PTPRM: variants seen among roughly 807,000 people sequenced by gnomAD.
The protein encoded by PTPRM is receptor-type tyrosine-protein phosphatase mu.
PTPRM carries 47 observed loss-of-function variants against 186.7 expected under a neutral mutation model. That is an observed-to-expected ratio of 0.25 (90% CI 0.20 to 0.32). PTPRM has a LOEUF of 0.32. Among genes scored for constraint, PTPRM ranks in the 10% least tolerant of loss-of-function variants. The pLI is 1.00. For synonymous variants in PTPRM, 668 were observed against 674.9 expected, an observed-to-expected ratio of 0.99 and a Z score of 0.16; for missense variants, 1,494 against 1,865.0, an observed-to-expected ratio of 0.80 and a Z score of 3.66.
chr18:8,251,813 GA>G (rs1477885614), intron 17 of PTPRM: 6 of 152,138 alleles, frequency 3.9e-5, no homozygotes, highest in African/African-American at 1.2e-4. Flanking sequence ...AATAACATAT[GA>G]ATAACTATAG....
intron 22 of PTPRM, among the ~76,000 whole-genome samples, chr18:8,338,658 T>C (rs2095454936): frequency 6.6e-6 from 1 of 152,212 alleles, no homozygotes; most frequent in Non-Finnish European, 1.5e-5. Context: ...AGGACCTATT[T>C]CATAGGATGG....
chr18:8,203,884 CG>C (rs758511796), intron 14 of PTPRM, among the ~76,000 whole-genome samples: 58 of 152,196 alleles, frequency 3.8e-4, no homozygotes, highest in Admixed American at 2.2e-3. Flanking sequence ...TTCTTATGCT[CG>C]GTCAGGAAAG....
chr18:7,625,604 G>A (rs760682756), intron 1 of PTPRM, among the ~76,000 whole-genome samples: 29 of 141,920 alleles, frequency 2.0e-4, no homozygotes, highest in Non-Finnish European at 3.6e-4. Flanking sequence ...GCGTGATCTC[G>A]GCTCACTGCA....
intron 4 of PTPRM, among the ~76,000 whole-genome samples, chr18:7,907,701 G>A (rs932233330): frequency 2.4e-4 from 36 of 152,068 alleles, no homozygotes; most frequent in African/African-American, 8.5e-4. Flanking sequence ...AGGGAGCTGG[G>A]CCTCAACTTT....
chr18:7,781,531 T>A lies in PTPRM; in HGVS notation c.196+7260T>A, dbSNP rs772151461. On this transcript the variant is annotated intron_variant, in intron 2 of 32. Transcript: ENST00000580170. ...TAAATTACGTGTTGCTGAGGCTTGG[T>A]ATACAAATGATCCCATCACCCAGGT... Among the ~76,000 whole-genome samples, 3 of 152,122 alleles carry A rather than the reference T, an allele frequency of 2.0e-5. No homozygotes were observed. In the South Asian group the frequency reaches 6.2e-4, roughly 32 times the overall value.
chr18:8,103,984 A>T (rs1600586931), intron 11 of PTPRM, among the ~76,000 whole-genome samples: 1 of 136,548 alleles, frequency 7.3e-6, no homozygotes, highest in African/African-American at 2.6e-5. Context: ...AGTGCCAGGG[A>T]GAGAGATGGC....
chr18:7,780,138 T>A (rs1313703123), intron 2 of PTPRM, among the ~76,000 whole-genome samples: 1 of 152,212 alleles, frequency 6.6e-6, no homozygotes, highest in Non-Finnish European at 1.5e-5. Context: ...AGCACAGTAT[T>A]TTCAGATCAG....
At position 7,568,839 on chromosome 18, in the gene PTPRM, CAG is replaced by C. The variant is rs1424895388; in HGVS notation, c.73+949_73+950del. Among the ~76,000 whole-genome samples, 7 of 152,306 alleles carry C rather than the reference CAG, an allele frequency of 4.6e-5. No individual in the cohort carries two copies. Among genetic ancestry groups the C allele is most frequent in the Admixed American group, 1.3e-4 (2 of 15,308 alleles). ...TGGGGGCGAACCCGGCACGCTGTCA[CAG>C]GGGTTTACAACCAGGATGACCTTTA... On this transcript the variant is annotated intron_variant, in intron 1 of 32. Coordinates refer to ENST00000580170, the MANE Select transcript of PTPRM (RefSeq NM_001105244.2). The surrounding 1 kb of genome is among the most constrained non-coding windows in gnomAD (Gnocchi z 5.1).
intron 14 of PTPRM, among the ~76,000 whole-genome samples, chr18:8,209,025 G>A (rs1176772309): frequency 6.6e-6 from 1 of 152,202 alleles, no homozygotes; most frequent in East Asian, 1.9e-4. Flanking sequence ...TGGTGGGGAA[G>A]CCAGTGAAGT....
At position 7,689,836 on chromosome 18, in the gene PTPRM, T is replaced by C. The variant is rs140597385; in HGVS notation, c.74-84313T>C. Reference sequence around the variant, plus strand: ...AAATAATATTCTTAATTCATATTGGTGGTTTACACTCAGTGTTTTTACTGA... The same window carrying C: ...AAATAATATTCTTAATTCATATTGGCGGTTTACACTCAGTGTTTTTACTGA... On this transcript the variant is annotated intron_variant, in intron 1 of 32. Coordinates refer to ENST00000580170, the MANE Select transcript of PTPRM (RefSeq NM_001105244.2). 3.9e-3 allele frequency among the ~76,000 whole-genome samples: 592 copies of C among 152,336 alleles called. 4 individuals are homozygous for C. The highest frequency in any genetic ancestry group is 0.013 in the African/African-American group (554 of 41,572).
chr18:7,784,592 A>G (rs919431430), intron 2 of PTPRM, among the ~76,000 whole-genome samples: 1 of 152,184 alleles, frequency 6.6e-6, no homozygotes, highest in African/African-American at 2.4e-5. Flanking sequence ...TTATAAAACT[A>G]TGTTTCAGCT....
At chr18:8,148,616 A>G (rs1191526717) in intron 14 of PTPRM, among the ~76,000 whole-genome samples, 1 of 151,688 alleles carries the variant, frequency 6.6e-6, no homozygotes, top group African/African-American at 2.4e-5. Flanking sequence ...GGATTTATTG[A>G]TTTTTTTGAA....
At chr18:7,747,811 A>G (rs2041030762) in intron 1 of PTPRM, among the ~76,000 whole-genome samples, 1 of 152,128 alleles carries the variant, frequency 6.6e-6, no homozygotes, top group Non-Finnish European at 1.5e-5. Flanking sequence ...TGAGGTCCCG[A>G]GGGGTTAGGA....
intron 14 of PTPRM, among the ~76,000 whole-genome samples, chr18:8,174,993 A>G (rs1390800876): frequency 1.3e-5 from 2 of 152,228 alleles, no homozygotes; most frequent in African/African-American, 2.4e-5. Context: ...AGTTGCTGCC[A>G]TGTGTCTTCT....
chr18:8,384,313 C>T (rs1568877605), intron 29 of PTPRM, among the ~76,000 whole-genome samples: 1 of 152,040 alleles, frequency 6.6e-6, no homozygotes, highest in African/African-American at 2.4e-5. Flanking sequence ...CAAAAATTAG[C>T]CAGGCATGGT....
intron 2 of PTPRM, among the ~76,000 whole-genome samples, chr18:7,790,440 G>A (rs1463788331): frequency 6.6e-6 from 1 of 152,124 alleles, no homozygotes; most frequent in African/African-American, 2.4e-5. Flanking sequence ...GTTTGGTCAC[G>A]GTTTTCTGGG....
At chr18:8,288,987 C>G (rs2094990689) in intron 19 of PTPRM, among the ~76,000 whole-genome samples, 1 of 152,090 alleles carries the variant, frequency 6.6e-6, no homozygotes, top group African/African-American at 2.4e-5. Context: ...AGACCCATGG[C>G]CAGGGTGACT....
At chr18:8,305,625 C>T (rs1309973309) in intron 20 of PTPRM, among the ~76,000 whole-genome samples, 3 of 152,190 alleles carry the variant, frequency 2.0e-5, no homozygotes, top group Non-Finnish European at 4.4e-5. Context: ...AACCTCCGTG[C>T]TCCACTACAC....
intron 14 of PTPRM, among the ~76,000 whole-genome samples, chr18:8,182,617 A>G (rs1427987837): frequency 6.6e-6 from 1 of 152,200 alleles, no homozygotes; most frequent in Non-Finnish European, 1.5e-5. Flanking sequence ...GAGAATAAAC[A>G]GGAATCTTTA....
Sources: gnomAD v4.1 joint callset for allele counts (sites outside exome capture counted in the v4.1 genomes callset) on GRCh38, gnomAD v4.1.1 for gene constraint, Gnocchi (gnomAD v3.1) non-coding constraint, MANE v1.5 for transcripts, NCBI Gene and HGNC (gene_info 2026-07-23, HGNC 2026-07-21) for gene names.